Variants in RB1CC1 observed in about 807,000 individuals in gnomAD.
RB1CC1 encodes the protein RB1 inducible coiled-coil 1.
A neutral mutation model predicts 177.5 loss-of-function variants in RB1CC1; 46 were observed. The observed-to-expected ratio is 0.26, with a 90% CI of 0.20 to 0.33. The LOEUF is 0.33. RB1CC1 is among the 10% of genes least tolerant of loss of function. The probability of loss-of-function intolerance (pLI) is 1.00; values close to 1 mark genes in which losing one functional copy is unlikely to be tolerated. For missense variants in RB1CC1, 1,703 were observed against 1,816.3 expected, an observed-to-expected ratio of 0.94 and a Z score of 1.13; for synonymous variants, 666 against 613.6, an observed-to-expected ratio of 1.09 and a Z score of -1.26.
Position 52,661,187 on chromosome 8 carries a change from T to C in RB1CC1, c.1453A>G (p.Ile485Val). Reference sequence around the variant, plus strand: ...GGAACTGTACTAAGAGCTTCAACAATTTTGACTCTTTCTAACAGCTCTATT... The same window carrying C: ...GGAACTGTACTAAGAGCTTCAACAACTTTGACTCTTTCTAACAGCTCTATT... ...LVIELLERVK[I>V]VEALSTVPQM... The change falls in exon 10 of 24, where the codon ATT becomes GTT. Residue 485 changes from isoleucine (I) to valine (V), a missense_variant. Ile to Val is a conservative substitution (Grantham distance 29). Around this residue, in one of 6 missense-constraint regions of RB1CC1, gnomAD observed 1,169 missense variants for 1,184.7 expected, o/e 0.99. Transcript: ENST00000025008. The C allele has an allele frequency of 1.2e-6, 2 of 1,613,920 alleles. No homozygotes were observed. The highest frequency in any genetic ancestry group is 2.7e-5 in the African/African-American group (2 of 75,036).
intron 20 of RB1CC1, among the ~76,000 whole-genome samples, chr8:52,634,044 G>C (rs1278011493): frequency 3.3e-5 from 5 of 152,184 alleles, no homozygotes; most frequent in Non-Finnish European, 7.4e-5. Context: ...TTGAGCCAAA[G>C]AGGTTGAAGC....
chr8:52,678,791 G>C (rs1415303392), intron 5 of RB1CC1, among the ~76,000 whole-genome samples: 8 of 152,192 alleles, frequency 5.3e-5, no homozygotes, highest in Non-Finnish European at 1.0e-4. Flanking sequence ...AATGTAAAGA[G>C]CACTGGCCTT....
chr8:52,678,878 T>G (rs950680728), intron 5 of RB1CC1, among the ~76,000 whole-genome samples: 1 of 152,234 alleles, frequency 6.6e-6, no homozygotes, highest in African/African-American at 2.4e-5. Flanking sequence ...CTTAATTCCA[T>G]ATGTGTATAA....
intron 21 of RB1CC1, 151 bp from the exon 22 acceptor site, chr8:52,628,319 GC>G: frequency 1.2e-6 from 1 of 848,448 alleles, no homozygotes; most frequent in Non-Finnish European, 1.8e-6. Context: ...TTTGCATTCT[GC>G]CCAGGTCCTA....
intron 7 of RB1CC1, among the ~76,000 whole-genome samples, chr8:52,672,874 T>A (rs1428944957): frequency 6.6e-6 from 1 of 152,248 alleles, no homozygotes; most frequent in Admixed American, 6.5e-5. Flanking sequence ...TAACTTTAAT[T>A]CATTTTTGGC....
chr8:52,679,928 G>A (rs1853545339), intron 5 of RB1CC1, among the ~76,000 whole-genome samples: 1 of 152,040 alleles, frequency 6.6e-6, no homozygotes, highest in Admixed American at 6.5e-5. Flanking sequence ...TGTCCAAGGA[G>A]AAGGACAAAA....
intron 1 of RB1CC1, among the ~76,000 whole-genome samples, chr8:52,707,809 G>C (rs1856713498): frequency 4.6e-5 from 7 of 152,034 alleles, no homozygotes; most frequent in Admixed American, 4.6e-4. Flanking sequence ...ACCCCTCTTA[G>C]CATGTGAATT....
intron 1 of RB1CC1, among the ~76,000 whole-genome samples, chr8:52,712,244 A>G (rs929211964): frequency 2.0e-5 from 3 of 152,198 alleles, no homozygotes; most frequent in East Asian, 1.9e-4. Flanking sequence ...TTTATCAGCC[A>G]TTCTTTTAAA....
rs759845401 is a variant in RB1CC1 at position 52,674,136 on chromosome 8, G to A, written c.711C>T (p.Ser237=). 5.8e-5 allele frequency: 94 copies of A among 1,613,928 alleles called. No individual in the cohort carries two copies. Among genetic ancestry groups the A allele is most frequent in the East Asian group, 1.6e-4 (7 of 44,874 alleles). ...EDSEKAEMKR[S]TELVLSPDMP... Reference sequence around the variant, plus strand: ...TATCAGGAGAGAGCACCAGTTCAGTGGATCTTTTCATCTCAGCTTTTTCTG... The same window carrying A: ...TATCAGGAGAGAGCACCAGTTCAGTAGATCTTTTCATCTCAGCTTTTTCTG... Residue 237 remains serine, a synonymous_variant, in exon 7 of 24, where the codon TCC becomes TCT. Transcript: ENST00000025008.
chr8:52,634,975 G>C lies in RB1CC1; in HGVS notation c.4393-7C>G. ...CTTCTTTCAATTGCAATGTCTGCAG[G>C]TGGAAAAAAGAGACCTGTGGTTTAT... On this transcript the variant is annotated splice_region_variant and splice_polypyrimidine_tract_variant and intron_variant, in intron 19 of 23. Coordinates refer to ENST00000025008, the MANE Select transcript of RB1CC1 (RefSeq NM_014781.5). 6.2e-7 allele frequency: 1 copy of C among 1,604,364 alleles called. No homozygotes were observed. The highest frequency in any genetic ancestry group is 1.1e-5 in the South Asian group (1 of 89,698).
intron 1 of RB1CC1, among the ~76,000 whole-genome samples, chr8:52,690,533 G>T (rs376421249): frequency 6.6e-6 from 1 of 152,180 alleles, no homozygotes; most frequent in African/African-American, 2.4e-5. Flanking sequence ...TGTGATCAAA[G>T]GAGGCCTCTA....
chr8:52,686,818 T>C (rs935051005), intron 2 of RB1CC1, 35 bp downstream of exon 2: 3 of 397,514 alleles, frequency 7.5e-6, no homozygotes, highest in African/African-American at 2.1e-5. Flanking sequence ...GGCAATAGAT[T>C]AAACTCTGCT....
chr8:52,631,342 G>A (rs554324340), intron 20 of RB1CC1, among the ~76,000 whole-genome samples: 120 of 152,230 alleles, frequency 7.9e-4, no homozygotes, highest in Admixed American at 2.0e-3. Context: ...AATGGCAAGC[G>A]CCTATGGTCC....
intron 1 of RB1CC1, among the ~76,000 whole-genome samples, chr8:52,710,771 A>G (rs1308753957): frequency 1.3e-5 from 2 of 152,220 alleles, no homozygotes; most frequent in African/African-American, 2.4e-5. Context: ...AAGAAAATGT[A>G]GAATTAGCTG....
intron 1 of RB1CC1, among the ~76,000 whole-genome samples, chr8:52,688,525 C>T (rs113592576): frequency 1.7e-4 from 26 of 152,274 alleles, no homozygotes; most frequent in East Asian, 7.7e-4. Flanking sequence ...GTCAGACTGG[C>T]TCTCTGCTCT....
intron 1 of RB1CC1, among the ~76,000 whole-genome samples, chr8:52,696,348 G>C (rs1563458478): frequency 6.6e-6 from 1 of 152,086 alleles, no homozygotes; most frequent in South Asian, 2.1e-4. Context: ...GGCCTACTTT[G>C]GTTTCTAGAA....
intron 6 of RB1CC1, among the ~76,000 whole-genome samples, chr8:52,675,572 T>C (rs976668011): frequency 5.3e-5 from 8 of 151,896 alleles, no homozygotes; most frequent in South Asian, 2.1e-4. Context: ...TTAATGAGCA[T>C]TGAAAACACA....
At chr8:52,683,330 T>A (rs909243382) in intron 5 of RB1CC1, among the ~76,000 whole-genome samples, 2 of 152,222 alleles carry the variant, frequency 1.3e-5, no homozygotes, top group African/African-American at 4.8e-5. Flanking sequence ...CAAATCATGT[T>A]AAGACAGCTT....
At chr8:52,631,372 G>C (rs919748270) in intron 20 of RB1CC1, among the ~76,000 whole-genome samples, 1 of 152,296 alleles carries the variant, frequency 6.6e-6, no homozygotes, top group Middle Eastern at 3.4e-3. Context: ...GGAAGTCTGA[G>C]GTGGGAAGAT....
Sources: gnomAD v4.1 joint callset for allele counts (sites outside exome capture counted in the v4.1 genomes callset) on GRCh38, gnomAD v4.1.1 for gene constraint, gnomAD v4.1.1 regional missense constraint, MANE v1.5 for transcripts, NCBI Gene and HGNC (gene_info 2026-07-23, HGNC 2026-07-21) for gene names.